EDAR: variants seen among roughly 807,000 people sequenced by gnomAD.
EDAR encodes the protein ectodysplasin A receptor.
Under a neutral mutation model 51.3 loss-of-function variants are expected in EDAR, and 38 were observed. The ratio of observed to expected loss-of-function variants is 0.74; its 90% CI spans 0.57 to 0.97. The LOEUF (loss-of-function observed/expected upper bound fraction) is 0.97. Ranked by LOEUF, EDAR falls within the 50% of genes least tolerant of loss-of-function variation. The pLI is 0.00. For synonymous variants in EDAR, 227 were observed against 242.1 expected (o/e 0.94, Z 0.58); for missense variants, 528 against 595.0 (o/e 0.89, Z 1.17).
chr2:108,928,546 C>A (rs1179242953), intron 4 of EDAR, among the ~76,000 whole-genome samples: 2 of 152,202 alleles, frequency 1.3e-5, no homozygotes, highest in Non-Finnish European at 2.9e-5. Flanking sequence ...TATCTTTAGT[C>A]TCTATTTGTA....
rs1368370108 is a variant in EDAR at position 108,894,873 on chromosome 2, T to C, written c.*2034A>G. The C allele has an allele frequency of 1.3e-5, 2 of 152,182 alleles. No homozygotes were observed. 9.4% of individuals were successfully genotyped at this position (152,182 alleles called of 1,614,324 possible). On this transcript the variant is annotated 3_prime_UTR_variant, in exon 12 of 12. Transcript: ENST00000258443. Reference sequence around the variant, plus strand: ...CCTTACAGCCCCAGAATTCTAATAGTGTGAAATGAGGCCAAAGCACCAGGA... The same window carrying C: ...CCTTACAGCCCCAGAATTCTAATAGCGTGAAATGAGGCCAAAGCACCAGGA...
intron 1 of EDAR, among the ~76,000 whole-genome samples, chr2:108,982,285 G>A (rs1027022996): frequency 8.5e-5 from 13 of 152,228 alleles, no homozygotes; most frequent in African/African-American, 3.1e-4. Context: ...CACACTGGGA[G>A]AGCTGTTTAC....
At chr2:108,923,262 A>G in intron 5 of EDAR, 106 bp downstream of exon 5, 1 of 1,111,880 alleles carries the variant, frequency 9.0e-7, no homozygotes, top group Non-Finnish European at 1.4e-6. Flanking sequence ...TGTTACTGTG[A>G]TTCACCTTGT....
At chr2:108,980,122 G>A (rs1698395277) in intron 1 of EDAR, among the ~76,000 whole-genome samples, 1 of 151,706 alleles carries the variant, frequency 6.6e-6, no homozygotes, top group Non-Finnish European at 1.5e-5. Flanking sequence ...GGGTCGGGTG[G>A]GGGGCTGGGC....
chr2:108,951,586 G>A (rs1427422240), intron 1 of EDAR, among the ~76,000 whole-genome samples: 1 of 152,072 alleles, frequency 6.6e-6, no homozygotes, highest in Non-Finnish European at 1.5e-5. Flanking sequence ...ATAGATATTG[G>A]CACAGGGATA....
intron 1 of EDAR, among the ~76,000 whole-genome samples, chr2:108,974,459 T>C (rs973067826): frequency 5.4e-5 from 8 of 147,368 alleles, no homozygotes; most frequent in South Asian, 2.2e-4. Context: ...TGACTGGGCA[T>C]GGTGGCTCAC....
At chr2:108,969,209 C>A (rs1356126063) in intron 1 of EDAR, among the ~76,000 whole-genome samples, 1 of 152,088 alleles carries the variant, frequency 6.6e-6, no homozygotes, top group Non-Finnish European at 1.5e-5. Flanking sequence ...GCTTTGACAA[C>A]CTTCTTTTTT....
intron 1 of EDAR, among the ~76,000 whole-genome samples, chr2:108,934,140 G>C (rs72836565): frequency 2.4e-4 from 36 of 152,190 alleles, no homozygotes; most frequent in Admixed American, 3.9e-4. Context: ...GTAAACCCAA[G>C]CAGAGAGAAA....
chr2:108,941,394 G>C (rs992292715), intron 1 of EDAR, among the ~76,000 whole-genome samples: 8 of 152,184 alleles, frequency 5.3e-5, no homozygotes, highest in Admixed American at 3.3e-4. Flanking sequence ...TCTGGCCAGA[G>C]GAGAGTCCTG....
intron 1 of EDAR, among the ~76,000 whole-genome samples, chr2:108,966,596 G>A (rs992780530): frequency 2.0e-5 from 3 of 152,190 alleles, no homozygotes; most frequent in Admixed American, 6.5e-5. Flanking sequence ...AGAGTTCTAC[G>A]GTGCCCAAGT....
chr2:108,925,293 G>A (rs947452605), intron 4 of EDAR, among the ~76,000 whole-genome samples: 2 of 152,264 alleles, frequency 1.3e-5, no homozygotes, highest in East Asian at 1.9e-4. Context: ...GAACTTTGAT[G>A]CTGAGGTGGA....
At chr2:108,985,941 C>G (rs1698490060) in intron 1 of EDAR, among the ~76,000 whole-genome samples, 1 of 152,176 alleles carries the variant, frequency 6.6e-6, no homozygotes, top group South Asian at 2.1e-4. Flanking sequence ...GAAGACACTT[C>G]AGGTTGTAGG....
Position 108,927,741 on chromosome 2 carries a change from C to A in EDAR, c.356+1457G>T, listed in dbSNP as rs531043482. Among the ~76,000 whole-genome samples the A allele has an allele frequency of 5.8e-4, 89 of 152,272 alleles. 1 individual carries two copies. The highest frequency in any genetic ancestry group is 5.0e-3 in the South Asian group (24 of 4,820). On this transcript the variant is annotated intron_variant, in intron 4 of 11. Transcript: ENST00000258443. ...TTCAGGCCATCTCTGGGTTAGCTAT[C>A]TAGGTCTGGATGTCCCATAGTCCCC... is the stretch of plus-strand genomic sequence containing the variant.
rs934389593 is a variant in EDAR, at chr2:108,908,536, C to T, written c.804-517G>A. On this transcript the variant is annotated intron_variant, in intron 9 of 11. Coordinates refer to ENST00000258443, the MANE Select transcript of EDAR (RefSeq NM_022336.4). ...AGCCCCCTCTTGACTAGGGGGGTGA[C>T]CTGGCTGACCTGTGTGCATTGCAGG... Among the ~76,000 whole-genome samples, 9 of 152,052 alleles carry T rather than the reference C, an allele frequency of 5.9e-5. No homozygotes were observed. In the South Asian group the frequency reaches 1.5e-3, roughly 25 times the overall value.
chr2:108,988,444 C>G (rs1358945779), intron 1 of EDAR, among the ~76,000 whole-genome samples: 1 of 152,166 alleles, frequency 6.6e-6, no homozygotes, highest in African/African-American at 2.4e-5. Context: ...TTCTCTCCCT[C>G]TCCCCGCTCC....
At chr2:108,973,602 C>T (rs1378400419) in intron 1 of EDAR, among the ~76,000 whole-genome samples, 1 of 152,074 alleles carries the variant, frequency 6.6e-6, no homozygotes, top group East Asian at 1.9e-4. Context: ...CCCTCATCTG[C>T]AGGGTGCTGG....
intron 1 of EDAR, among the ~76,000 whole-genome samples, chr2:108,964,016 C>G (rs550645617): frequency 6.6e-6 from 1 of 152,194 alleles, no homozygotes; most frequent in Non-Finnish European, 1.5e-5. Flanking sequence ...GGACTATGGC[C>G]TCTGTGGCTG....
chr2:108,908,723 T>C (rs920322250), intron 9 of EDAR, among the ~76,000 whole-genome samples: 2 of 152,350 alleles, frequency 1.3e-5, no homozygotes, highest in East Asian at 1.9e-4. Context: ...TCCAAGTATA[T>C]GAAAAACAAT....
chr2:108,974,345 A>G (rs1698286721), intron 1 of EDAR, among the ~76,000 whole-genome samples: 1 of 151,280 alleles, frequency 6.6e-6, no homozygotes, highest in Admixed American at 6.6e-5. Flanking sequence ...AAAAAAAAAA[A>G]AAAAAAAAAG....
Sources: allele counts gnomAD v4.1 joint callset (sites outside exome capture counted in the v4.1 genomes callset), GRCh38; gene constraint gnomAD v4.1.1; transcripts MANE v1.5; gene names NCBI Gene and HGNC (gene_info 2026-07-23, HGNC 2026-07-21).